The following EFHB variants were observed in gnomAD, a reference collection of about 807,000 sequenced individuals.
EFHB encodes EF-hand domain-containing family member B.
Under a neutral mutation model 87.2 loss-of-function variants are expected in EFHB, and 91 were observed. The ratio of observed to expected loss-of-function variants is 1.04; its 90% CI spans 0.88 to 1.24. The LOEUF is 1.24. EFHB is among the 50% of genes most tolerant of loss of function. The pLI, the probability that EFHB is intolerant of heterozygous loss-of-function variation, is 0.00. For synonymous variants in EFHB, 325 were observed against 333.6 expected (o/e 0.97, Z 0.28); for missense variants, 1,084 against 998.8 (o/e 1.09, Z -1.15).
chr3:19,906,085 C>A (rs1352314756), intron 5 of EFHB, among the ~76,000 whole-genome samples: 1 of 152,156 alleles, frequency 6.6e-6, no homozygotes, highest in East Asian at 1.9e-4. Context: ...CTTTGTGAGG[C>A]CGAGACTGGT....
chr3:19,941,644 G>T (rs936954762), intron 1 of EFHB: 11 of 151,758 alleles, frequency 7.2e-5, no homozygotes, highest in African/African-American at 2.7e-4. Flanking sequence ...ATCACCTGAG[G>T]TCAAGAGTTC....
Position 19,888,567 on chromosome 3 carries a change from G to T in EFHB, c.1810C>A (p.Gln604Lys). 1.9e-6 allele frequency: 3 copies of T among 1,601,064 alleles called. No homozygotes were observed. Among genetic ancestry groups the T allele is most frequent in the Non-Finnish European group, 2.6e-6 (3 of 1,173,142 alleles). Residue 604 changes from glutamine (Q) to lysine (K), a missense_variant, in exon 10 of 13, where the codon CAG becomes AAG. Coordinates refer to ENST00000295824, the MANE Select transcript of EFHB (RefSeq NM_144715.4). ...TCCACATCACAGTAGTCAAATAGCT[G>T]GTCCAGGAGCTTGTCATCTAAACTC... ...NLSLDDKLLD[Q>K]LFDYCDVDND...
chr3:19,945,228 TAA>T (rs1470178502), intron 1 of EFHB, among the ~76,000 whole-genome samples: 1 of 151,920 alleles, frequency 6.6e-6, no homozygotes, highest in African/African-American at 2.4e-5. Context: ...AGGGAACAAA[TAA>T]AGAGTATGGG....
Position 19,919,966 on chromosome 3 carries a change from G to C in EFHB, c.863C>G (p.Pro288Arg), listed in dbSNP as rs1241204058. ...LTEKLPRLIT[P>R]PEAKKYFNFR... The stretch of plus-strand genomic sequence containing the variant: ...GTTGAAATACTTTTTTGCTTCAGGT[G>C]GAGTAATTAGCTACAAAGAGTGAGG... Residue 288 changes from proline (P) to arginine (R), a missense_variant, in exon 3 of 13, where the codon CCA becomes CGA. Coordinates refer to ENST00000295824, the MANE Select transcript of EFHB (RefSeq NM_144715.4). 1.9e-6 allele frequency: 3 copies of C among 1,613,564 alleles called. No individual in the cohort carries two copies. The Admixed American group carries it at 5.0e-5, about 27-fold the overall frequency.
chr3:19,934,291 T>A (rs531424104), upstream of EFHB: 130 of 1,340,886 alleles, frequency 9.7e-5, no homozygotes, highest in African/African-American at 1.8e-3. Context: ...CCTGCCCATC[T>A]CTCATTCTTC....
In EFHB at chr3:19,905,676, ATG is replaced by A; in HGVS notation, c.1360_1361del (p.His454PhefsTer2). On this transcript the variant is annotated frameshift_variant, in exon 6 of 13. Transcript: ENST00000295824. LOFTEE classifies it high-confidence loss of function. ...RCSVYGVPTP[H>X]FNDGRAMAKS... is the part of the protein sequence containing the mutation. ...TTGCCATGGCTCGTCCATCATTAAAATGTGGTGTTGGTACTCCATACACACTA... is the reference window on the plus strand; with the variant it reads ...TTGCCATGGCTCGTCCATCATTAAAATGGTGTTGGTACTCCATACACACTA... 1 of 1,613,904 alleles carries A rather than the reference ATG, an allele frequency of 6.2e-7. No homozygotes were observed. Among genetic ancestry groups the A allele is most frequent in the Non-Finnish European group, 8.5e-7 (1 of 1,179,824 alleles).
rs539830646 is a variant in EFHB at position 19,887,100 on chromosome 3, G to A, written c.1933+1344C>T. Among the ~76,000 whole-genome samples the A allele has an allele frequency of 1.7e-3, 261 of 152,220 alleles. No individual in the cohort carries two copies. The Middle Eastern group carries it at 0.02, about 12-fold the overall frequency. Reference sequence around the variant, plus strand: ...TCATTCCTTAGAAATATGAAAGCTGGCTGGGCATGTTGGCTCTTGTCGGTC... The same window carrying A: ...TCATTCCTTAGAAATATGAAAGCTGACTGGGCATGTTGGCTCTTGTCGGTC... On this transcript the variant is annotated intron_variant, in intron 10 of 12. Transcript: ENST00000295824.
chr3:19,920,083 A>C, intron 2 of EFHB, 107 bp from the exon 3 acceptor site: 18 of 1,160,108 alleles, frequency 1.6e-5, no homozygotes, highest in Non-Finnish European at 2.2e-5. Flanking sequence ...GTATGTAGTA[A>C]ATGCATTTGG....
At chr3:19,885,090 C>A (rs1694051002) in intron 10 of EFHB, among the ~76,000 whole-genome samples, 1 of 151,940 alleles carries the variant, frequency 6.6e-6, no homozygotes, top group South Asian at 2.1e-4. Flanking sequence ...GGCATGGTGG[C>A]AGGCGCCTGT....
At chr3:19,925,773 C>G (rs922917881) in intron 1 of EFHB, among the ~76,000 whole-genome samples, 1 of 152,136 alleles carries the variant, frequency 6.6e-6, no homozygotes, top group African/African-American at 2.4e-5. Flanking sequence ...TTCAGCTGCT[C>G]AAGACCCACA....
intron 9 of EFHB, among the ~76,000 whole-genome samples, chr3:19,889,695 A>C (rs1273685214): frequency 6.6e-6 from 1 of 152,202 alleles, no homozygotes; most frequent in Non-Finnish European, 1.5e-5. Flanking sequence ...TCTTGACAAT[A>C]CAGCTGCAAA....
chr3:19,895,102 A>C (rs1694436294), intron 9 of EFHB: 1 of 148,680 alleles, frequency 6.7e-6, no homozygotes, highest in South Asian at 2.1e-4. Context: ...ATCAACATAT[A>C]TTTATATATA....
intron 10 of EFHB, among the ~76,000 whole-genome samples, chr3:19,886,805 C>T (rs905228831): frequency 7.9e-5 from 12 of 151,376 alleles, no homozygotes; most frequent in Admixed American, 3.3e-4. Flanking sequence ...AGTAAAACCT[C>T]ACAGACTTAG....
intron 1 of EFHB, among the ~76,000 whole-genome samples, chr3:19,931,019 C>T (rs1446367369): frequency 1.3e-5 from 2 of 152,068 alleles, no homozygotes; most frequent in Non-Finnish European, 2.9e-5. Flanking sequence ...AAAAAATTAG[C>T]CGGGTGTGGT....
At chr3:19,943,950 C>T (rs1433641132) in intron 1 of EFHB, among the ~76,000 whole-genome samples, 6 of 152,186 alleles carry the variant, frequency 3.9e-5, no homozygotes, top group East Asian at 1.9e-4. Flanking sequence ...CAGACTACTT[C>T]GATATGTAAC....
At position 19,933,274 on chromosome 3, in the gene EFHB, TG is replaced by T. The variant is rs758879013; in HGVS notation, c.744del (p.Ile249TyrfsTer30). ...CGATCAAAAAACTTCCCAGAGTATA[TG>T]GGTCTGATGCGATCTGGAGGTTCCA... ...SGVEPPDRIR[P>X]IYSGKFFDRT... On this transcript the variant is annotated frameshift_variant, in exon 1 of 13. Coordinates refer to ENST00000295824, the MANE Select transcript of EFHB (RefSeq NM_144715.4). LOFTEE classifies it high-confidence loss of function. The T allele has an allele frequency of 1.2e-6, 2 of 1,613,996 alleles. No homozygotes were observed. Among genetic ancestry groups the T allele is most frequent in the Non-Finnish European group, 1.7e-6 (2 of 1,179,892 alleles).
chr3:19,911,436 T>C (rs1695058192), intron 5 of EFHB, among the ~76,000 whole-genome samples: 1 of 151,832 alleles, frequency 6.6e-6, no homozygotes, highest in African/African-American at 2.4e-5. Flanking sequence ...ATGGTGCCTG[T>C]AATCCCTGCT....
chr3:19,934,323 C>T, upstream of EFHB: 1 of 1,181,446 alleles, frequency 8.5e-7, no homozygotes, highest in Non-Finnish European at 1.1e-6. Context: ...CTCAATCTCT[C>T]TCTCTCTCCC....
At chr3:19,923,915 C>G (rs1695525101) in intron 1 of EFHB, among the ~76,000 whole-genome samples, 1 of 152,080 alleles carries the variant, frequency 6.6e-6, no homozygotes. Flanking sequence ...AATAAAATTT[C>G]TACTTTTCAC....
Sources: allele counts gnomAD v4.1 joint callset (sites outside exome capture counted in the v4.1 genomes callset), GRCh38; gene constraint gnomAD v4.1.1; transcripts MANE v1.5; gene names NCBI Gene and HGNC (gene_info 2026-07-23, HGNC 2026-07-21).